Variants in AHNAK observed in about 807,000 individuals in gnomAD.
The protein encoded by AHNAK is neuroblast differentiation-associated protein AHNAK.
A neutral mutation model predicts 37.8 loss-of-function variants in AHNAK; 23 were observed. The observed-to-expected ratio is 0.61, with a 90% CI of 0.44 to 0.86. AHNAK has a LOEUF of 0.86. Among genes scored for constraint, AHNAK ranks in the 40% least tolerant of loss-of-function variants. The pLI, the probability that AHNAK is intolerant of heterozygous loss-of-function variation, is 0.00. For missense variants in AHNAK, 7,411 were observed against 7,319.4 expected, an observed-to-expected ratio of 1.01 and a Z score of -0.46; for synonymous variants, 2,481 against 2,636.3, an observed-to-expected ratio of 0.94 and a Z score of 1.80.
chr11:62,466,086 G>A (rs1361972826), intron 5 of AHNAK, among the ~76,000 whole-genome samples: 2 of 152,082 alleles, frequency 1.3e-5, no homozygotes, highest in East Asian at 1.9e-4. Context: ...TTGGGAGGCC[G>A]AGGCGAGTGG....
chr11:62,486,472 A>G (rs1218604000), intron 5 of AHNAK, among the ~76,000 whole-genome samples: 1 of 149,702 alleles, frequency 6.7e-6, no homozygotes, highest in Non-Finnish European at 1.5e-5. Context: ...AAACTCCGAA[A>G]CTCTGTCTCA....
In AHNAK at chr11:62,525,801, T is replaced by C. The variant is rs140976761; in HGVS notation, c.8616A>G (p.Lys2872=). 10 of 1,613,234 alleles carry C rather than the reference T, an allele frequency of 6.2e-6. No homozygotes were observed. In the African/African-American group the frequency reaches 1.2e-4, roughly 19 times the overall value. The change falls in exon 5 of 5, where the codon AAA becomes AAG. Residue 2872 remains lysine, a synonymous_variant. Coordinates refer to ENST00000378024, the MANE Select transcript of AHNAK (RefSeq NM_001620.3). ...GGACATCAATGTCCACTTTGGGGCC[T>C]TTGAGGTCAACTTCAGGACCTTTCA... The part of the protein sequence containing the change: ...GDLKGPEVDL[K]GPKVDIDVPD...
chr11:62,455,107 A>G (rs1938628981), intron 5 of AHNAK, among the ~76,000 whole-genome samples: 1 of 151,140 alleles, frequency 6.6e-6, no homozygotes, highest in African/African-American at 2.4e-5. Context: ...TAATTTTTGT[A>G]TTTTTAGTAG....
In AHNAK at chr11:62,528,028, T is replaced by C; in HGVS notation, c.6389A>G (p.Lys2130Arg). The change falls in exon 5 of 5, where the codon AAA (lysine) becomes AGA (arginine). Residue 2130 changes from lysine (K) to arginine (R), a missense_variant. Lys to Arg is a conservative substitution (Grantham distance 26, BLOSUM62 2). Transcript: ENST00000378024. ...AGACACATCCACATCCCCTTTGACT[T>C]TGGGGCCTTTCAAGTGTAAGTCCAC... ...PDVDLHLKGP[K>R]VKGDVDVSLP... 6.2e-7 allele frequency: 1 copy of C among 1,614,002 alleles called. No individual in the cohort carries two copies. Among genetic ancestry groups the C allele is most frequent in the South Asian group, 1.1e-5 (1 of 91,074 alleles).
At chr11:62,464,385 T>G (rs1938860023) in intron 5 of AHNAK, among the ~76,000 whole-genome samples, 1 of 151,726 alleles carries the variant, frequency 6.6e-6, no homozygotes, top group Non-Finnish European at 1.5e-5. Flanking sequence ...AATTGGATTT[T>G]CAGCTGGGCA....
chr11:62,535,750 T>C (rs923203980), intron 3 of AHNAK, among the ~76,000 whole-genome samples, 195 bp downstream of exon 3: 43 of 151,728 alleles, frequency 2.8e-4, no homozygotes, highest in African/African-American at 9.9e-4. Flanking sequence ...CACAGCTGCC[T>C]CCCCTGAGGA....
In AHNAK at chr11:62,524,728, C is replaced by T. The variant is rs1940406528; in HGVS notation, c.9689G>A (p.Gly3230Asp). Reference protein sequence around the residue: ...SMPDLDLNLKGPKMKGEVDVS... With the variant: ...SMPDLDLNLKDPKMKGEVDVS... Reference sequence around the variant, plus strand: ...ATCCACCTCTCCTTTCATTTTAGGGCCTTTAAGATTGAGGTCCAAATCAGG... The same window carrying T: ...ATCCACCTCTCCTTTCATTTTAGGGTCTTTAAGATTGAGGTCCAAATCAGG... Residue 3230 changes from glycine to aspartate, a missense_variant, in exon 5 of 5, where the codon GGC becomes GAC. Gly to Asp is a moderately conservative substitution (Grantham distance 94). Coordinates refer to ENST00000378024, the MANE Select transcript of AHNAK (RefSeq NM_001620.3). The T allele has an allele frequency of 3.1e-6, 5 of 1,614,000 alleles. No individual in the cohort carries two copies. In the East Asian group the frequency reaches 1.1e-4, roughly 36 times the overall value.
Position 62,531,229 on chromosome 11 carries a change from C to T in AHNAK, c.3188G>A (p.Arg1063Lys), listed in dbSNP as rs115660558. The T allele has an allele frequency of 1.6e-3, 2,548 of 1,613,596 alleles. 45 individuals are homozygous for T. In the African/African-American group the frequency reaches 0.03, roughly 19 times the overall value. ...ATCTGGCAAAGACATCTTAGGAGCT[C>T]TGAAGTGCATCTCAGGCATCTTAAA... is the stretch of plus-strand genomic sequence containing the variant. Reference protein sequence around the residue: ...PKFKMPEMHFRAPKMSLPDVD... With the variant: ...PKFKMPEMHFKAPKMSLPDVD... The change falls in exon 5 of 5, where the codon AGA becomes AAA. Residue 1063 changes from arginine to lysine, a missense_variant. Physicochemically the swap from Arg to Lys is conservative, Grantham distance 26 (BLOSUM62 2). Transcript: ENST00000378024.
At chr11:62,478,681 G>A (rs776090555) in intron 5 of AHNAK, among the ~76,000 whole-genome samples, 2 of 145,188 alleles carry the variant, frequency 1.4e-5, no homozygotes, top group East Asian at 2.0e-4. Flanking sequence ...CCAGGAGATC[G>A]ATCCTCCTGC....
intron 4 of AHNAK, among the ~76,000 whole-genome samples, chr11:62,495,737 CAA>C (rs1156362722): frequency 1.0e-4 from 7 of 67,490 alleles, no homozygotes; most frequent in Non-Finnish European, 1.2e-4. Context: ...GACTCCGTCT[CAA>C]AAAAAAAAAA....
In AHNAK at chr11:62,517,925, T is replaced by C. The variant is rs373776149; in HGVS notation, c.16492A>G (p.Lys5498Glu). The change falls in exon 5 of 5, where the codon AAG (lysine) becomes GAG (glutamate). Residue 5498 changes from lysine (K) to glutamate (E), a missense_variant. Transcript: ENST00000378024. ...LEGNLQMPGI[K>E]SSGCDVNLPG... is the part of the protein sequence containing the mutation. ...AGGTTCACATCACATCCAGAGGACT[T>C]AATTCCAGGCATCTGGAGGTTTCCT... The C allele has an allele frequency of 5.0e-6, 8 of 1,614,202 alleles. No individual in the cohort carries two copies. The Admixed American group carries it at 1.3e-4, about 27-fold the overall frequency.
At chr11:62,441,665 C>T (rs181157336) in intron 5 of AHNAK, among the ~76,000 whole-genome samples, 36 of 151,886 alleles carry the variant, frequency 2.4e-4, no homozygotes, top group Admixed American at 1.9e-3. Context: ...TCACGCCCAG[C>T]TAACTTTTGT....
chr11:62,518,159 A>G lies in AHNAK; in HGVS notation c.16258T>C (p.Leu5420=), dbSNP rs749892054. 39 of 1,614,158 alleles carry G rather than the reference A, an allele frequency of 2.4e-5. No individual in the cohort carries two copies. The South Asian group carries it at 4.2e-4, about 17-fold the overall frequency. The change falls in exon 5 of 5, where the codon TTG becomes CTG. Residue 5420 remains leucine, a synonymous_variant. Transcript: ENST00000378024. ...QFGISTPGSD[L]HVNAKGPQVS... ...TGTGGCCCCTTGGCATTGACGTGCA[A>G]GTCGGACCCCGGAGTAGAGATGCCA... is the stretch of plus-strand genomic sequence containing the variant.
intron 5 of AHNAK, among the ~76,000 whole-genome samples, chr11:62,470,318 C>T (rs569271283): frequency 3.3e-5 from 5 of 152,070 alleles, no homozygotes; most frequent in East Asian, 1.9e-4. Context: ...TGGTGGCATG[C>T]GCCTGTAATC....
chr11:62,475,109 C>T (rs1939116072), intron 5 of AHNAK, among the ~76,000 whole-genome samples: 2 of 152,312 alleles, frequency 1.3e-5, no homozygotes, highest in South Asian at 4.1e-4. Flanking sequence ...TCGAGACCAA[C>T]CTGACCAACA....
intron 5 of AHNAK, among the ~76,000 whole-genome samples, chr11:62,453,648 G>C (rs1206328995): frequency 6.6e-6 from 1 of 152,142 alleles, no homozygotes; most frequent in Admixed American, 6.5e-5. Flanking sequence ...CCACCAAAAG[G>C]GGTGGGTGAC....
intron 5 of AHNAK, among the ~76,000 whole-genome samples, chr11:62,456,159 C>T (rs924613500): frequency 2.0e-5 from 3 of 152,134 alleles, no homozygotes; most frequent in African/African-American, 4.8e-5. Flanking sequence ...AGAGGCCTCT[C>T]GGGAAGCTAA....
chr11:62,504,828 A>G (rs1006926543), intron 4 of AHNAK, among the ~76,000 whole-genome samples: 3 of 152,158 alleles, frequency 2.0e-5, no homozygotes, highest in African/African-American at 7.2e-5. Context: ...CAGAGGAGAA[A>G]GCAAGGCGGT....
At position 62,496,005 on chromosome 11, in the gene AHNAK, C is replaced by T. The variant is rs547347943; in HGVS notation, c.343-4174G>A. On this transcript the variant is annotated intron_variant, in intron 4 of 5. Coordinates refer to the AHNAK transcript ENST00000257247. Reference sequence around the variant, plus strand: ...CGGAGGCTGCAGTGAGCCAAGATTGCGCCACTGCACTCCAGCATGGGTGAC... The same window carrying T: ...CGGAGGCTGCAGTGAGCCAAGATTGTGCCACTGCACTCCAGCATGGGTGAC... Among the ~76,000 whole-genome samples the T allele has an allele frequency of 5.4e-4, 82 of 150,472 alleles. 1 individual carries two copies. The highest frequency in any genetic ancestry group is 9.9e-4 in the Non-Finnish European group (67 of 67,752).
Sources: allele counts gnomAD v4.1 joint callset (sites outside exome capture counted in the v4.1 genomes callset), GRCh38; gene constraint gnomAD v4.1.1; transcripts MANE v1.5; gene names NCBI Gene and HGNC (gene_info 2026-07-23, HGNC 2026-07-21).